The following NCOR1 variants were observed in gnomAD, a reference collection of about 807,000 sequenced individuals.
NCOR1 encodes the protein nuclear receptor corepressor 1.
Under a neutral mutation model 288.1 loss-of-function variants are expected in NCOR1, and 63 were observed. That is an observed-to-expected ratio of 0.22 (90% confidence interval 0.18 to 0.27). The LOEUF (loss-of-function observed/expected upper bound fraction) is 0.27. Among genes scored for constraint, NCOR1 ranks in the 10% least tolerant of loss-of-function variants. The pLI, the probability that NCOR1 is intolerant of heterozygous loss-of-function variation, is 1.00. For synonymous variants in NCOR1, 1,007 were observed against 1,065.9 expected, an observed-to-expected ratio of 0.94 and a Z score of 1.08; for missense variants, 2,397 against 3,019.2, an observed-to-expected ratio of 0.79 and a Z score of 4.83.
chr17:16,190,299 G>A (rs903455874), intron 2 of NCOR1, among the ~76,000 whole-genome samples: 1 of 151,766 alleles, frequency 6.6e-6, no homozygotes, highest in Non-Finnish European at 1.5e-5. Context: ...GAGAATTTAA[G>A]AACTCAAATA....
chr17:16,157,258 T>C (rs2079966962), intron 6 of NCOR1, among the ~76,000 whole-genome samples: 2 of 152,194 alleles, frequency 1.3e-5, no homozygotes, highest in African/African-American at 4.8e-5. Context: ...TCCCTTCCTT[T>C]ACTGGATTTA....
intron 22 of NCOR1, among the ~76,000 whole-genome samples, chr17:16,091,219 CTAAT>C (rs2065124940): frequency 6.6e-6 from 1 of 152,306 alleles, no homozygotes; most frequent in African/African-American, 2.4e-5. Context: ...TACTAATACA[CTAAT>C]TAATATGTAA....
chr17:16,142,359 G>A (rs1383154653), intron 11 of NCOR1, among the ~76,000 whole-genome samples: 1 of 151,882 alleles, frequency 6.6e-6, no homozygotes, highest in Non-Finnish European at 1.5e-5. Flanking sequence ...ATACAGCATG[G>A]TAAAAAATAT....
Position 16,058,055 on chromosome 17 carries a change from G to C in NCOR1, c.6020C>G (p.Thr2007Ser), listed in dbSNP as rs2060127926. The C allele has an allele frequency of 2.5e-6, 4 of 1,614,034 alleles. No individual in the cohort carries two copies. Among genetic ancestry groups the C allele is most frequent in the Non-Finnish European group, 3.4e-6 (4 of 1,179,974 alleles). Residue 2007 changes from threonine to serine, a missense_variant, in exon 39 of 46, where the codon ACC (threonine) becomes AGC (serine). Thr to Ser is a moderately conservative substitution (Grantham distance 58). Around this residue, in one of 11 missense-constraint regions of NCOR1, gnomAD observed 1,872 missense variants for 2,187.8 expected, o/e 0.86. Coordinates refer to ENST00000268712, the MANE Select transcript of NCOR1 (RefSeq NM_006311.4). ...VKANQAENDP[T>S]RQYEGPLHHY... ...ATGTAATGGTCCTTCATATTGTCTG[G>C]TAGGATCATCTAGGAGAGAACACAT... is the stretch of plus-strand genomic sequence containing the variant.
intron 2 of NCOR1, 37 bp downstream of exon 2, chr17:16,194,425 A>G: frequency 7.2e-7 from 1 of 1,393,710 alleles, no homozygotes; most frequent in South Asian, 1.3e-5. Flanking sequence ...GAAAAACACA[A>G]AAAACATGTG....
At chr17:16,209,434 T>A (rs2091906785) in intron 1 of NCOR1, among the ~76,000 whole-genome samples, 1 of 152,024 alleles carries the variant, frequency 6.6e-6, no homozygotes, top group Non-Finnish European at 1.5e-5. Context: ...TATAATAAAT[T>A]TTATAGGCCA....
Position 16,121,257 on chromosome 17 carries a change from C to T in NCOR1, c.1647G>A (p.Lys549=). Residue 549 remains lysine, a synonymous_variant, in exon 16 of 46, where the codon AAG becomes AAA. Transcript: ENST00000268712. The stretch of plus-strand genomic sequence containing the variant: ...CTGTACCATCTATCTTGTCCTTTTC[C>T]TTGGTATTTTCTCTGGACACAAAAG... The part of the protein sequence containing the change: ...DEKEDSKENT[K]EKDKIDGTAE... The T allele has an allele frequency of 1.2e-6, 2 of 1,612,990 alleles. No individual in the cohort carries two copies. Among genetic ancestry groups the T allele is most frequent in the African/African-American group, 2.7e-5 (2 of 74,980 alleles).
intron 31 of NCOR1, 118 bp from the exon 32 acceptor site, chr17:16,068,239 C>T: frequency 1.2e-6 from 1 of 829,834 alleles, no homozygotes; most frequent in Non-Finnish European, 1.9e-6. Flanking sequence ...CTTCTCTTTC[C>T]ACTCAACATT....
intron 35 of NCOR1, among the ~76,000 whole-genome samples, chr17:16,063,296 C>A (rs2060736570): frequency 6.6e-6 from 1 of 152,164 alleles, no homozygotes; most frequent in Non-Finnish European, 1.5e-5. Flanking sequence ...CATCCTACTT[C>A]ATCCTCCTGA....
At chr17:16,071,876 AG>A (rs1480305910) in intron 29 of NCOR1, among the ~76,000 whole-genome samples, 1 of 152,208 alleles carries the variant, frequency 6.6e-6, no homozygotes, top group Non-Finnish European at 1.5e-5. Context: ...TTATTTCTTT[AG>A]GGTTGCTTGA....
intron 9 of NCOR1, among the ~76,000 whole-genome samples, chr17:16,148,030 G>A (rs907392467): frequency 2.0e-5 from 3 of 152,134 alleles, no homozygotes; most frequent in African/African-American, 4.8e-5. Flanking sequence ...TTGGTCAGGC[G>A]GGTCTCAAAC....
chr17:16,099,449 T>A (rs1022827331), intron 20 of NCOR1, among the ~76,000 whole-genome samples: 3 of 152,228 alleles, frequency 2.0e-5, no homozygotes, highest in Non-Finnish European at 2.9e-5. Context: ...TATAGGAAAT[T>A]GAAAGTGTTA....
chr17:16,054,480 G>A (rs1175126442), intron 40 of NCOR1, among the ~76,000 whole-genome samples: 1 of 152,146 alleles, frequency 6.6e-6, no homozygotes, highest in African/African-American at 2.4e-5. Context: ...AGGCTGCTGT[G>A]AGCCGAGACT....
rs1401314085 is a variant in NCOR1 at position 16,032,427 on chromosome 17, G to A, written c.7192C>T (p.Pro2398Ser). The change falls in exon 46 of 46, where the codon CCA (proline) becomes TCA (serine). Residue 2398 changes from proline to serine, a missense_variant. Transcript: ENST00000268712. The part of the protein sequence containing the change: ...LTMRMLSSTP[P>S]TPIACAPSAV... ...GAGGGAGCACATGCAATCGGTGTTG[G>A]TGGAGTACTGCTGAGCATCCGCATA... 6.2e-7 allele frequency: 1 copy of A among 1,613,972 alleles called. No individual in the cohort carries two copies. Among genetic ancestry groups the A allele is most frequent in the Admixed American group, 1.7e-5 (1 of 59,988 alleles).
intron 23 of NCOR1, among the ~76,000 whole-genome samples, chr17:16,083,831 G>A (rs981061639): frequency 6.6e-6 from 1 of 151,728 alleles, no homozygotes; most frequent in Non-Finnish European, 1.5e-5. Flanking sequence ...CTACAGTTAA[G>A]TTGGTTTTAC....
intron 35 of NCOR1, 121 bp downstream of exon 35, chr17:16,063,947 T>C: frequency 7.6e-7 from 1 of 1,309,692 alleles, no homozygotes; most frequent in Non-Finnish European, 1.0e-6. Flanking sequence ...ACTTGGGGCC[T>C]GTAATAACGT....
At chr17:16,055,940 G>A (rs2059862986) in intron 40 of NCOR1, among the ~76,000 whole-genome samples, 1 of 152,108 alleles carries the variant, frequency 6.6e-6, no homozygotes, top group African/African-American at 2.4e-5. Context: ...TTGGGGGTCG[G>A]GGCAAGCGGG....
At chr17:16,098,676 G>C in intron 20 of NCOR1, 180 bp from the exon 21 acceptor site, 1 of 432,460 alleles carries the variant, frequency 2.3e-6, no homozygotes, top group Non-Finnish European at 4.0e-6. Context: ...CTACAAAGCT[G>C]ATTTTCCAGA....
At chr17:16,087,408 G>T in intron 22 of NCOR1, 1 of 1,139,220 alleles carries the variant, frequency 8.8e-7, no homozygotes, top group Non-Finnish European at 1.2e-6. Context: ...AAGTGTGAAA[G>T]GACCAAGCCC....
Sources: gnomAD v4.1 joint callset for allele counts (sites outside exome capture counted in the v4.1 genomes callset) on GRCh38, gnomAD v4.1.1 for gene constraint, gnomAD v4.1.1 regional missense constraint, MANE v1.5 for transcripts, NCBI Gene and HGNC (gene_info 2026-07-23, HGNC 2026-07-21) for gene names.